Variants in OXR1 observed in about 807,000 individuals in gnomAD.
OXR1 encodes oxidation resistance 1, also known as oxidation resistance protein 1.
OXR1 carries 41 observed loss-of-function variants against 104.6 expected under a neutral mutation model. That is an observed-to-expected ratio of 0.39 (90% confidence interval 0.31 to 0.51). OXR1 has a LOEUF of 0.51. Ranked by LOEUF, OXR1 falls within the 20% of genes least tolerant of loss-of-function variation. The pLI is 0.77. For synonymous variants in OXR1, 348 were observed against 348.4 expected (o/e 1.00, Z 0.01); for missense variants, 955 against 1,031.9 (o/e 0.93, Z 1.02).
rs556019456 is a variant in OXR1, at chr8:106,490,444, C to T, written c.24-28499C>T. Among the ~76,000 whole-genome samples, 24 of 152,256 alleles carry T rather than the reference C, an allele frequency of 1.6e-4. No individual in the cohort carries two copies. In the South Asian group the frequency reaches 4.3e-3, roughly 28 times the overall value. ...CATGATCTTGGCTCACTGCAACCTC[C>T]GTCTCCCAGGTTCAAGCTATTCTCC... On this transcript the variant is annotated intron_variant, in intron 2 of 16. Transcript: ENST00000517566.
intron 1 of OXR1, chr8:106,272,398 C>G (rs1351732484): frequency 1.3e-5 from 2 of 152,248 alleles, no homozygotes; most frequent in Admixed American, 6.5e-5. Context: ...AGAGCAAGCA[C>G]TGTACCTACT....
intron 2 of OXR1, chr8:106,447,959 A>T: frequency 2.6e-6 from 4 of 1,535,244 alleles, no homozygotes; most frequent in Non-Finnish European, 3.5e-6. Flanking sequence ...CAGGTAACAG[A>T]ACTCTGATCA....
intron 2 of OXR1, among the ~76,000 whole-genome samples, chr8:106,472,232 T>A (rs970614276): frequency 1.3e-5 from 2 of 151,846 alleles, no homozygotes; most frequent in African/African-American, 4.8e-5. Flanking sequence ...TGAGCCAGGA[T>A]GCATTTGTGC....
intron 1 of OXR1, among the ~76,000 whole-genome samples, chr8:106,342,018 GATGC>G (rs1349166528): frequency 6.7e-6 from 1 of 149,934 alleles, no homozygotes; most frequent in Non-Finnish European, 1.5e-5. Flanking sequence ...TGGGATTACA[GATGC>G]ATACCACCAT....
chr8:106,415,507 G>T (rs1818635137), intron 2 of OXR1, among the ~76,000 whole-genome samples: 1 of 151,804 alleles, frequency 6.6e-6, no homozygotes, highest in South Asian at 2.1e-4. Flanking sequence ...GTGTGTGTGT[G>T]TGTGTGTGTC....
At chr8:106,707,459 A>T (rs1831256641) in intron 9 of OXR1, 1 of 492,106 alleles carries the variant, frequency 2.0e-6, no homozygotes, top group Non-Finnish European at 3.5e-6. Context: ...ACCTTTGATC[A>T]CTCCATTTTC....
chr8:106,631,592 T>G (rs1822690788), intron 3 of OXR1, among the ~76,000 whole-genome samples: 1 of 152,204 alleles, frequency 6.6e-6, no homozygotes, highest in Non-Finnish European at 1.5e-5. Flanking sequence ...AGGTAAAATA[T>G]TTTATGGTGT....
At chr8:106,619,332 A>G (rs1324445415) in intron 3 of OXR1, among the ~76,000 whole-genome samples, 1 of 152,184 alleles carries the variant, frequency 6.6e-6, no homozygotes, top group Non-Finnish European at 1.5e-5. Flanking sequence ...ATTATTTCAT[A>G]TCATAAGACA....
chr8:106,711,346 A>G (rs1244796320), intron 10 of OXR1, among the ~76,000 whole-genome samples: 1 of 152,170 alleles, frequency 6.6e-6, no homozygotes, highest in Non-Finnish European at 1.5e-5. Context: ...CTGAAACATT[A>G]TAACAACTTT....
intron 2 of OXR1, among the ~76,000 whole-genome samples, chr8:106,426,477 A>G (rs779527225): frequency 7.2e-5 from 11 of 152,130 alleles, no homozygotes; most frequent in African/African-American, 1.2e-4. Context: ...AGTGATGGAG[A>G]AAAGCTTCAG....
At chr8:106,278,386 C>G (rs902761625) in intron 1 of OXR1, among the ~76,000 whole-genome samples, 5 of 151,858 alleles carry the variant, frequency 3.3e-5, no homozygotes, top group Admixed American at 2.6e-4. Flanking sequence ...CCTTACTAAC[C>G]TCTGGTCCTT....
intron 3 of OXR1, among the ~76,000 whole-genome samples, chr8:106,541,092 A>G (rs143922545): frequency 9.8e-4 from 149 of 152,320 alleles, no homozygotes; most frequent in African/African-American, 3.5e-3. Flanking sequence ...ACATCAGTAA[A>G]AAGATATTCT....
chr8:106,491,626 T>C (rs919401054), intron 2 of OXR1, among the ~76,000 whole-genome samples: 1 of 152,180 alleles, frequency 6.6e-6, no homozygotes, highest in African/African-American at 2.4e-5. Context: ...CAGTGGCTAG[T>C]TGAATTATGT....
At chr8:106,299,746 G>T (rs763531603) in intron 1 of OXR1, among the ~76,000 whole-genome samples, 1 of 152,268 alleles carries the variant, frequency 6.6e-6, no homozygotes, top group East Asian at 1.9e-4. Context: ...CAGGCACCTT[G>T]CCGCATGCTT....
intron 1 of OXR1, among the ~76,000 whole-genome samples, chr8:106,346,479 G>A (rs943065612): frequency 1.1e-4 from 16 of 152,038 alleles, no homozygotes; most frequent in African/African-American, 3.9e-4. Context: ...TAGAATCTTA[G>A]AACATAAAGA....
intron 1 of OXR1, among the ~76,000 whole-genome samples, chr8:106,276,509 T>G (rs925253471): frequency 8.5e-5 from 13 of 152,346 alleles, no homozygotes; most frequent in African/African-American, 3.1e-4. Flanking sequence ...CTTAACTTTA[T>G]GGAACTTTTA....
At chr8:106,384,162 T>A (rs1432621938) in intron 2 of OXR1, among the ~76,000 whole-genome samples, 1 of 152,186 alleles carries the variant, frequency 6.6e-6, no homozygotes, top group Non-Finnish European at 1.5e-5. Context: ...CTGCATCTCA[T>A]AAGGATGTTT....
intron 6 of OXR1, among the ~76,000 whole-genome samples, chr8:106,688,021 T>C (rs1828910724): frequency 6.6e-6 from 1 of 152,196 alleles, no homozygotes; most frequent in Admixed American, 6.5e-5. Context: ...TAGTAATAGC[T>C]ACCATTTCGC....
intron 11 of OXR1, among the ~76,000 whole-genome samples, chr8:106,716,527 G>A (rs1832268977): frequency 1.2e-5 from 1 of 86,680 alleles, no homozygotes; most frequent in Non-Finnish European, 2.3e-5. Flanking sequence ...GGGAGGCTGA[G>A]GCAGGAGAAT....
Sources: allele counts gnomAD v4.1 joint callset (sites outside exome capture counted in the v4.1 genomes callset), GRCh38; gene constraint gnomAD v4.1.1; transcripts MANE v1.5; gene names NCBI Gene and HGNC (gene_info 2026-07-23, HGNC 2026-07-21).